The following STPG2 variants were observed in gnomAD, a reference collection of about 807,000 sequenced individuals.
STPG2 encodes sperm-tail PG-rich repeat-containing protein 2.
In STPG2, 56 loss-of-function variants were observed where a neutral mutation model predicts 54.2. The ratio of observed to expected loss-of-function variants is 1.03; its 90% CI spans 0.83 to 1.29. STPG2 has a LOEUF of 1.29. STPG2 is among the 50% of genes most tolerant of loss of function. The pLI is 0.00. For missense variants in STPG2, 596 were observed against 544.9 expected (o/e 1.09, Z -0.93); for synonymous variants, 200 against 181.8 (o/e 1.10, Z -0.81).
At chr4:97,507,611 A>T (rs978800289) in intron 4 of STPG2, among the ~76,000 whole-genome samples, 1 of 152,006 alleles carries the variant, frequency 6.6e-6, no homozygotes, top group Non-Finnish European at 1.5e-5. Flanking sequence ...GTGGGTCCCC[A>T]TGCCACTTGC....
At chr4:97,758,224 G>A (rs997035240) in intron 9 of STPG2, among the ~76,000 whole-genome samples, 3 of 152,114 alleles carry the variant, frequency 2.0e-5, no homozygotes, top group Admixed American at 2.0e-4. Context: ...CAAGGAATGT[G>A]TAAAAGAAAA....
rs572354244 is a variant in STPG2, at chr4:97,496,219, G to A, written c.462+216480C>T. Reference sequence around the variant, plus strand: ...AAAGTATTTTCAATAAGAATATACCGTAAAGAGAATAGCAAAAATAACTTG... The same window carrying A: ...AAAGTATTTTCAATAAGAATATACCATAAAGAGAATAGCAAAAATAACTTG... On this transcript the variant is annotated intron_variant, in intron 4 of 4. Transcript: ENST00000522676. Among the ~76,000 whole-genome samples the A allele has an allele frequency of 1.6e-4, 25 of 151,632 alleles. 1 individual carries two copies. The East Asian group carries it at 2.1e-3, about 13-fold the overall frequency.
In STPG2 at chr4:98,126,156, T is replaced by C. The variant is rs74800559; in HGVS notation, c.387+2272A>G. Among the ~76,000 whole-genome samples the C allele has an allele frequency of 2.9e-3, 446 of 152,284 alleles. 1 individual carries two copies. Among genetic ancestry groups the C allele is most frequent in the Non-Finnish European group, 5.5e-3 (376 of 68,014 alleles). On this transcript the variant is annotated intron_variant, in intron 3 of 10. Transcript: ENST00000295268. ...GTGGGTCTTAGCTAGTGAGGTTCCATGGGAGGGGGGCCCACTGAATGATGC... is the reference window on the plus strand; with the variant it reads ...GTGGGTCTTAGCTAGTGAGGTTCCACGGGAGGGGGGCCCACTGAATGATGC...
intron 9 of STPG2, among the ~76,000 whole-genome samples, chr4:97,767,125 A>C (rs1414085723): frequency 6.6e-6 from 1 of 152,198 alleles, no homozygotes; most frequent in African/African-American, 2.4e-5. Flanking sequence ...TTTATGACTT[A>C]AAAGGCAAAT....
intron 5 of STPG2, among the ~76,000 whole-genome samples, chr4:98,067,752 C>T: frequency 6.6e-6 from 1 of 152,104 alleles, no homozygotes; most frequent in East Asian, 1.9e-4. Context: ...ACAATAAGCA[C>T]TGAAACAAAA....
At chr4:97,750,109 C>T (rs1394868145) in intron 9 of STPG2, among the ~76,000 whole-genome samples, 1 of 151,808 alleles carries the variant, frequency 6.6e-6, no homozygotes, top group Non-Finnish European at 1.5e-5. Context: ...TATTTTAAAT[C>T]CAGGCCAAAA....
In STPG2 at chr4:97,527,303, T is replaced by C. The variant is rs567654717; in HGVS notation, c.462+185396A>G. On this transcript the variant is annotated intron_variant, in intron 4 of 4. Coordinates refer to the STPG2 transcript ENST00000522676. Reference sequence around the variant, plus strand: ...CTGAGGATGATAGCTTCCAGCTTCATCCATGTCCCTGCAAAGGACATGAAC... The same window carrying C: ...CTGAGGATGATAGCTTCCAGCTTCACCCATGTCCCTGCAAAGGACATGAAC... Among the ~76,000 whole-genome samples, 623 of 152,238 alleles carry C rather than the reference T, an allele frequency of 4.1e-3. 4 individuals carry two copies. Among genetic ancestry groups the C allele is most frequent in the African/African-American group, 0.014 (596 of 41,538 alleles).
intron 10 of STPG2, among the ~76,000 whole-genome samples, chr4:97,566,591 A>G (rs1340858186): frequency 1.3e-5 from 2 of 151,938 alleles, no homozygotes; most frequent in Non-Finnish European, 2.9e-5. Flanking sequence ...TTGTATGTTT[A>G]TTGCGGCACT....
At chr4:97,857,104 C>T (rs1021128684) in intron 8 of STPG2, among the ~76,000 whole-genome samples, 1 of 152,002 alleles carries the variant, frequency 6.6e-6, no homozygotes, top group East Asian at 1.9e-4. Context: ...ACCAAAGATA[C>T]TGACTTGAAG....
At chr4:97,941,431 C>T (rs1732980905) in intron 8 of STPG2, among the ~76,000 whole-genome samples, 1 of 152,082 alleles carries the variant, frequency 6.6e-6, no homozygotes, top group Admixed American at 6.6e-5. Context: ...TTCTAGAATG[C>T]TCAGTAAACA....
chr4:97,936,545 C>G (rs1732752443), intron 8 of STPG2, among the ~76,000 whole-genome samples: 1 of 152,040 alleles, frequency 6.6e-6, no homozygotes, highest in Non-Finnish European at 1.5e-5. Context: ...TCAGTGCTTC[C>G]TTCAGGAGAT....
intron 9 of STPG2, among the ~76,000 whole-genome samples, chr4:97,817,133 T>C (rs1037466448): frequency 2.7e-5 from 4 of 150,260 alleles, no homozygotes; most frequent in Non-Finnish European, 5.9e-5. Flanking sequence ...CATTCCACCT[T>C]GGAAATGTGT....
At chr4:97,725,620 A>C (rs1244706178) in intron 9 of STPG2, among the ~76,000 whole-genome samples, 1 of 151,880 alleles carries the variant, frequency 6.6e-6, no homozygotes, top group African/African-American at 2.4e-5. Context: ...TTAGAGTAAA[A>C]AGGCAGAGAG....
intron 10 of STPG2, among the ~76,000 whole-genome samples, chr4:97,650,668 A>G (rs901108577): frequency 5.9e-5 from 9 of 152,114 alleles, no homozygotes; most frequent in African/African-American, 2.2e-4. Context: ...TAGATGACAC[A>G]TGTTTCCTAT....
At chr4:97,933,102 A>G (rs1245029017) in intron 8 of STPG2, among the ~76,000 whole-genome samples, 1 of 150,680 alleles carries the variant, frequency 6.6e-6, no homozygotes, top group Admixed American at 6.6e-5. Context: ...TTTGATTTGC[A>G]TTTTTCTAAT....
At chr4:97,858,126 T>A (rs1359028593) in intron 8 of STPG2, among the ~76,000 whole-genome samples, 2 of 151,912 alleles carry the variant, frequency 1.3e-5, no homozygotes, top group African/African-American at 4.8e-5. Flanking sequence ...GGTAGACAGT[T>A]TAATAAAAGT....
At chr4:97,737,030 A>G (rs941310770) in intron 9 of STPG2, among the ~76,000 whole-genome samples, 6 of 152,220 alleles carry the variant, frequency 3.9e-5, no homozygotes, top group Non-Finnish European at 7.3e-5. Context: ...AGGAACGACC[A>G]GACAGCAGCA....
At chr4:98,030,920 T>C (rs1032955499) in intron 5 of STPG2, among the ~76,000 whole-genome samples, 5 of 151,880 alleles carry the variant, frequency 3.3e-5, no homozygotes, top group Admixed American at 2.0e-4. Flanking sequence ...TTAAAATTCA[T>C]ATGGAACCAA....
chr4:98,074,946 A>C (rs952317381), intron 5 of STPG2, among the ~76,000 whole-genome samples: 4 of 126,788 alleles, frequency 3.2e-5, no homozygotes, highest in African/African-American at 1.2e-4. Context: ...TATACAGAAA[A>C]AAATATAAAC....
Sources: allele counts gnomAD v4.1 joint callset (sites outside exome capture counted in the v4.1 genomes callset), GRCh38; gene constraint gnomAD v4.1.1; transcripts MANE v1.5; gene names NCBI Gene and HGNC (gene_info 2026-07-23, HGNC 2026-07-21).